The following ZMIZ1 variants were observed in gnomAD, a reference collection of about 807,000 sequenced individuals.
The protein encoded by ZMIZ1 is zinc finger MIZ domain-containing protein 1.
A neutral mutation model predicts 113.9 loss-of-function variants in ZMIZ1; 17 were observed. That is an observed-to-expected ratio of 0.15 (90% CI 0.10 to 0.22). The LOEUF is 0.22. Among genes scored for constraint, ZMIZ1 ranks in the 10% least tolerant of loss-of-function variants. The pLI is 1.00. For missense variants in ZMIZ1, 1,059 were observed against 1,477.8 expected (o/e 0.72, Z 4.65); for synonymous variants, 607 against 603.1 (o/e 1.01, Z -0.09).
At chr10:79,256,574 G>T (rs1017205977) in intron 7 of ZMIZ1, among the ~76,000 whole-genome samples, 1 of 152,228 alleles carries the variant, frequency 6.6e-6, no homozygotes, top group African/African-American at 2.4e-5. Flanking sequence ...CATGCTGAGG[G>T]GATCACAGGT....
intron 1 of ZMIZ1, among the ~76,000 whole-genome samples, chr10:79,071,552 T>C (rs1842287688): frequency 6.6e-6 from 1 of 152,106 alleles, no homozygotes. Context: ...GAGAGCAAGC[T>C]CTTTCTTAGC....
Position 79,118,493 on chromosome 10 carries a change from G to A in ZMIZ1, c.-336-422G>A, listed in dbSNP as rs562624614. On this transcript the variant is annotated intron_variant, in intron 1 of 24. Transcript: ENST00000334512. This position sits in a 1 kb window ranked among gnomAD's most constrained non-coding sequence, Gnocchi z 4.1. ...AGCAAGGAGGGGCTGGTGAGAGAGG[G>A]CTCCACGGAAGCACTTGAGCAGAGT... Among the ~76,000 whole-genome samples, 1 of 152,294 alleles carries A rather than the reference G, an allele frequency of 6.6e-6. No homozygotes were observed. Among genetic ancestry groups the A allele is most frequent in the African/African-American group, 2.4e-5 (1 of 41,570 alleles).
At chr10:79,193,697 G>A (rs1847705674) in intron 4 of ZMIZ1, among the ~76,000 whole-genome samples, 1 of 152,166 alleles carries the variant, frequency 6.6e-6, no homozygotes, top group Admixed American at 6.5e-5. Flanking sequence ...AGGGGATAGG[G>A]ATGGAAACCA....
At chr10:79,122,364 C>T (rs931970833) in intron 2 of ZMIZ1, among the ~76,000 whole-genome samples, 3 of 152,166 alleles carry the variant, frequency 2.0e-5, no homozygotes, top group African/African-American at 7.2e-5. Context: ...GTTCAAGGCT[C>T]TCCTGACCCA....
chr10:79,282,238 T>C (rs1283069090), intron 8 of ZMIZ1, among the ~76,000 whole-genome samples: 1 of 152,246 alleles, frequency 6.6e-6, no homozygotes, highest in Non-Finnish European at 1.5e-5. Flanking sequence ...CAAACTGTTT[T>C]AGTCCGTCAT....
chr10:79,221,304 T>C (rs1848959508), intron 7 of ZMIZ1, among the ~76,000 whole-genome samples: 3 of 151,960 alleles, frequency 2.0e-5, no homozygotes, highest in East Asian at 3.9e-4. Context: ...CCTGGGAGAG[T>C]GCGCAGGAGG....
Position 79,314,927 on chromosome 10 carries a change from TAC to T in ZMIZ1, c.*2180_*2181del, listed in dbSNP as rs927266066. The T allele has an allele frequency of 6.5e-6, 1 of 152,676 alleles. No individual in the cohort carries two copies. Among genetic ancestry groups the T allele is most frequent in the Non-Finnish European group, 1.5e-5 (1 of 68,244 alleles). 9.5% of individuals were successfully genotyped at this position (152,676 alleles called of 1,614,324 possible). A position where few individuals can be genotyped will look rare whatever the true frequency, so the allele number is the denominator to read the frequency against. On this transcript the variant is annotated 3_prime_UTR_variant, in exon 25 of 25. Coordinates refer to ENST00000334512, the MANE Select transcript of ZMIZ1 (RefSeq NM_020338.4). ...CTGGGAATTAAGCTCCAGACAGACTTACAGATGCCTTCCTTAGGAGTTCTTGC... is the reference window on the plus strand; with the variant it reads ...CTGGGAATTAAGCTCCAGACAGACTTAGATGCCTTCCTTAGGAGTTCTTGC...
intron 1 of ZMIZ1, among the ~76,000 whole-genome samples, chr10:79,091,089 A>G (rs1482977581): frequency 6.6e-6 from 1 of 152,194 alleles, no homozygotes; most frequent in Admixed American, 6.5e-5. Flanking sequence ...CAGTCTACCA[A>G]GAGACCTTCT....
intron 7 of ZMIZ1, among the ~76,000 whole-genome samples, chr10:79,240,180 C>T (rs1849757837): frequency 1.3e-5 from 2 of 152,228 alleles, no homozygotes. Flanking sequence ...TGCAGCTCGC[C>T]CTTTCTTCTT....
At chr10:79,169,889 A>G (rs565296721) in intron 4 of ZMIZ1, among the ~76,000 whole-genome samples, 1 of 152,288 alleles carries the variant, frequency 6.6e-6, no homozygotes, top group African/African-American at 2.4e-5. Flanking sequence ...CACCCCTCAA[A>G]CAGGAGCATC....
At chr10:79,140,696 C>T (rs966699891) in intron 3 of ZMIZ1, among the ~76,000 whole-genome samples, 12 of 152,326 alleles carry the variant, frequency 7.9e-5, no homozygotes, top group Non-Finnish European at 2.9e-5. Context: ...CCCCCATCCA[C>T]CCATCTATTT....
intron 7 of ZMIZ1, among the ~76,000 whole-genome samples, chr10:79,266,686 G>A (rs1357956919): frequency 6.6e-6 from 1 of 152,220 alleles, no homozygotes; most frequent in Non-Finnish European, 1.5e-5. Context: ...AGGACTGTGA[G>A]TCTCTGTGGT....
chr10:79,300,904 C>T lies in ZMIZ1; in HGVS notation c.1981C>T (p.Arg661Cys), dbSNP rs745390001. 1 of 1,612,570 alleles carries T rather than the reference C, an allele frequency of 6.2e-7. No homozygotes were observed. The highest frequency in any genetic ancestry group is 8.5e-7 in the Non-Finnish European group (1 of 1,179,970). Residue 661 changes from arginine to cysteine, a missense_variant, in exon 17 of 25, where the codon CGC (arginine) becomes TGC (cysteine). Physicochemically the swap from Arg to Cys is radical, Grantham distance 180 (BLOSUM62 -3). Coordinates refer to ENST00000334512, the MANE Select transcript of ZMIZ1 (RefSeq NM_020338.4). Reference protein sequence around the residue: ...LHLKHVCQPGRNTIQITVTAC... With the variant: ...LHLKHVCQPGCNTIQITVTAC... ...CCTGAAGCACGTGTGCCAGCCGGGC[C>T]GCAACACCATCCAGATCACCGTCAC...
rs1445232760 is a variant in ZMIZ1, at chr10:79,316,207, C to G, written c.*3458C>G. 1 of 152,584 alleles carries G rather than the reference C, an allele frequency of 6.6e-6. No homozygotes were observed. Among genetic ancestry groups the G allele is most frequent in the Non-Finnish European group, 1.5e-5 (1 of 68,040 alleles). The allele number at this position is 152,584 out of a possible 1,614,324, so 9.5% of individuals were successfully genotyped here. ...CCCACCAGTGCAGCCTGAAGTAACTCCCACAGAAACCATCATCGTCTTTGT... is the reference window on the plus strand; with the variant it reads ...CCCACCAGTGCAGCCTGAAGTAACTGCCACAGAAACCATCATCGTCTTTGT... On this transcript the variant is annotated 3_prime_UTR_variant, in exon 25 of 25. Transcript: ENST00000334512.
chr10:79,163,281 G>C (rs923199531), intron 4 of ZMIZ1, among the ~76,000 whole-genome samples: 7 of 152,196 alleles, frequency 4.6e-5, no homozygotes, highest in African/African-American at 1.7e-4. Context: ...GTCAAGCTCC[G>C]ACATTGGAGA....
chr10:79,305,624 G>GC lies in ZMIZ1; in HGVS notation c.2423+24dup, dbSNP rs750985880. On this transcript the variant is annotated intron_variant, in intron 21 of 24. Transcript: ENST00000334512. ...ACAGTAAGTGGGGCCCTAGCGAGGG[G>GC]CAGGGGGTGGGAGGGGACGAGGCCT... 69 of 1,610,214 alleles carry GC rather than the reference G, an allele frequency of 4.3e-5. No homozygotes were observed. In the Middle Eastern group the frequency reaches 1.2e-3, roughly 27 times the overall value.
At chr10:79,141,036 G>C (rs193199384) in intron 3 of ZMIZ1, among the ~76,000 whole-genome samples, 1 of 152,312 alleles carries the variant, frequency 6.6e-6, no homozygotes, top group African/African-American at 2.4e-5. Context: ...TGCCCTGAGA[G>C]GGTGTGGTGT....
At chr10:79,151,290 G>A (rs1589342245) in intron 3 of ZMIZ1, among the ~76,000 whole-genome samples, 1 of 152,242 alleles carries the variant, frequency 6.6e-6, no homozygotes. Flanking sequence ...GTCTTAGGGT[G>A]CTGTGAGAAG....
intron 16 of ZMIZ1, among the ~76,000 whole-genome samples, 179 bp from the exon 17 acceptor site, chr10:79,300,553 G>C (rs961691862): frequency 6.6e-6 from 1 of 151,948 alleles, no homozygotes; most frequent in African/African-American, 2.4e-5. Context: ...GGGTGTAGAG[G>C]GAGTATCCAG....
Sources: allele counts gnomAD v4.1 joint callset (sites outside exome capture counted in the v4.1 genomes callset), GRCh38; gene constraint gnomAD v4.1.1; non-coding constraint Gnocchi (gnomAD v3.1); transcripts MANE v1.5; gene names NCBI Gene and HGNC (gene_info 2026-07-23, HGNC 2026-07-21).